The following MKLN1 variants were observed in gnomAD, a reference collection of about 807,000 sequenced individuals.
The protein encoded by MKLN1 is muskelin 1, also known as muskelin.
Under a neutral mutation model 99.0 loss-of-function variants are expected in MKLN1, and 18 were observed. That is an observed-to-expected ratio of 0.18 (90% CI 0.13 to 0.27). The LOEUF is 0.27. Among genes scored for constraint, MKLN1 ranks in the 10% least tolerant of loss-of-function variants. The probability of loss-of-function intolerance (pLI) is 1.00; values close to 1 mark genes in which losing one functional copy is unlikely to be tolerated. For missense variants in MKLN1, 621 were observed against 875.9 expected, an observed-to-expected ratio of 0.71 and a Z score of 3.67; for synonymous variants, 288 against 293.2, an observed-to-expected ratio of 0.98 and a Z score of 0.18.
intron 3 of MKLN1, among the ~76,000 whole-genome samples, chr7:131,322,225 A>G (rs1798792010): frequency 6.6e-6 from 1 of 152,178 alleles, no homozygotes; most frequent in Non-Finnish European, 1.5e-5. Context: ...TTAAGCATTT[A>G]AGGATTTTAT....
chr7:131,323,562 G>T (rs938825670), upstream of MKLN1: 2 of 152,082 alleles, frequency 1.3e-5, no homozygotes, highest in Admixed American at 1.3e-4. Flanking sequence ...GGTTAGATGG[G>T]TCTACTTTCC....
At chr7:131,192,436 AAATATATAC>A (rs1210593660) in intron 2 of MKLN1, among the ~76,000 whole-genome samples, 2 of 134,364 alleles carry the variant, frequency 1.5e-5, no homozygotes, top group Non-Finnish European at 3.1e-5. Flanking sequence ...TAAATATATA[AAATATATAC>A]AATATATAAA....
At chr7:131,291,780 G>GA (rs1563281350) in intron 3 of MKLN1, among the ~76,000 whole-genome samples, 14 of 119,298 alleles carry the variant, frequency 1.2e-4, no homozygotes, top group African/African-American at 4.1e-4. Flanking sequence ...AAAAAAAAAA[G>GA]AAAAAAAAGA....
intron 15 of MKLN1, among the ~76,000 whole-genome samples, chr7:131,469,929 GC>G (rs1316648643): frequency 5.3e-5 from 8 of 150,134 alleles, no homozygotes; most frequent in African/African-American, 2.0e-4. Flanking sequence ...AGGCTGGAGT[GC>G]AGTGGTACAA....
chr7:131,175,263 G>GATAGATAATAGATAGATAT (rs1194501998), intron 2 of MKLN1, among the ~76,000 whole-genome samples: 1 of 152,166 alleles, frequency 6.6e-6, no homozygotes. Flanking sequence ...TAGATAGATA[G>GATAGATAATAGATAGATAT]ATAGAGTAGG....
chr7:131,308,264 T>G (rs1209968898), intron 3 of MKLN1, among the ~76,000 whole-genome samples: 2 of 149,050 alleles, frequency 1.3e-5, no homozygotes, highest in African/African-American at 2.4e-5. Flanking sequence ...TCACGTAGTT[T>G]TTTTTTTTTT....
intron 12 of MKLN1, among the ~76,000 whole-genome samples, chr7:131,461,439 G>A (rs1259538384): frequency 1.3e-5 from 2 of 151,868 alleles, no homozygotes; most frequent in Non-Finnish European, 2.9e-5. Context: ...GTGTATGTAT[G>A]TATACAAATT....
At chr7:131,468,099 G>C (rs1027179687) in intron 15 of MKLN1, among the ~76,000 whole-genome samples, 1 of 152,208 alleles carries the variant, frequency 6.6e-6, no homozygotes, top group Non-Finnish European at 1.5e-5. Flanking sequence ...CACTCCACAA[G>C]AGATCAAGAA....
In MKLN1 at chr7:131,441,217, A is replaced by G. The variant is rs145051320; in HGVS notation, c.1174-2264A>G. 3.3e-3 allele frequency among the ~76,000 whole-genome samples: 506 copies of G among 152,312 alleles called. 3 individuals carry two copies. Among genetic ancestry groups the G allele is most frequent in the African/African-American group, 0.01 (433 of 41,570 alleles). ...AGCTCATTGATATTCTCACTGGGTC[A>G]TGAGGCATTTTTGGAGGTTTGTAGA... On this transcript the variant is annotated intron_variant, in intron 10 of 17. Transcript: ENST00000352689.
At chr7:131,293,777 G>A (rs1469926980) in intron 3 of MKLN1, among the ~76,000 whole-genome samples, 1 of 152,178 alleles carries the variant, frequency 6.6e-6, no homozygotes, top group East Asian at 1.9e-4. Flanking sequence ...CTGCTCTCTA[G>A]CCTGGGCAAT....
chr7:131,354,522 G>C (rs1343915747), intron 1 of MKLN1, among the ~76,000 whole-genome samples: 5 of 142,504 alleles, frequency 3.5e-5, no homozygotes, highest in South Asian at 4.7e-4. Context: ...TGTGGGGGGG[G>C]GCGTAAATCT....
intron 2 of MKLN1, among the ~76,000 whole-genome samples, chr7:131,166,296 G>A (rs771273677): frequency 6.6e-6 from 1 of 152,098 alleles, no homozygotes; most frequent in Non-Finnish European, 1.5e-5. Flanking sequence ...GAGGTTTGCC[G>A]GGAAAGATGC....
In MKLN1 at chr7:131,436,057, T is replaced by C. The variant is rs1424537735; in HGVS notation, c.961-1728T>C. 2.0e-5 allele frequency among the ~76,000 whole-genome samples: 3 copies of C among 152,178 alleles called. No homozygotes were observed. In the South Asian group the frequency reaches 6.2e-4, roughly 32 times the overall value. ...TGTTACTCCGTCTTTGTTTTTGAGA[T>C]TATTTATGGAGGCAATCCTTTCTTA... On this transcript the variant is annotated intron_variant, in intron 9 of 17. Coordinates refer to ENST00000352689, the MANE Select transcript of MKLN1 (RefSeq NM_013255.5).
chr7:131,292,867 G>A (rs1225488432), intron 3 of MKLN1, among the ~76,000 whole-genome samples: 1 of 152,178 alleles, frequency 6.6e-6, no homozygotes, highest in Non-Finnish European at 1.5e-5. Context: ...CTCTCCAAAC[G>A]AGGGATTTGT....
rs1374111462 is a variant in MKLN1 at position 131,443,689 on chromosome 7, T to C, written c.1382T>C (p.Met461Thr). 6.2e-7 allele frequency: 1 copy of C among 1,608,864 alleles called. No homozygotes were observed. Among genetic ancestry groups the C allele is most frequent in the Non-Finnish European group, 8.5e-7 (1 of 1,175,212 alleles). The change falls in exon 11 of 18, where the codon ATG (methionine) becomes ACG (threonine). Residue 461 changes from methionine to threonine, a missense_variant. By Grantham distance (81) the Met-to-Thr change is moderately conservative. Coordinates refer to ENST00000352689, the MANE Select transcript of MKLN1 (RefSeq NM_013255.5). ...EDIQSRIGHC[M>T]LFHSKNRCLY... ...ATCCAGTCTCGAATAGGACACTGCA[T>C]GTTATTCCACTCAGTAAGAACATTC...
chr7:131,327,949 C>T lies in MKLN1; in HGVS notation c.50C>T (p.Pro17Leu), dbSNP rs1196293275. Residue 17 changes from proline to leucine, a missense_variant, in exon 1 of 18, where the codon CCC (proline) becomes CTC (leucine). Pro to Leu is a moderately conservative substitution (Grantham distance 98, BLOSUM62 -3). Transcript: ENST00000352689. ...GCGGCGCCCGAGTGCCGGCTTCTCCCCTACGCGCTACACAAGTGGAGCTCC... is the reference window on the plus strand; with the variant it reads ...GCGGCGCCCGAGTGCCGGCTTCTCCTCTACGCGCTACACAAGTGGAGCTCC... ...VAAAPECRLL[P>L]YALHKWSSFS... 1.2e-6 allele frequency: 2 copies of T among 1,613,732 alleles called. No homozygotes were observed. Among genetic ancestry groups the T allele is most frequent in the Non-Finnish European group, 1.7e-6 (2 of 1,179,830 alleles).
intron 3 of MKLN1, among the ~76,000 whole-genome samples, chr7:131,262,121 C>A (rs1797741124): frequency 6.6e-6 from 1 of 151,994 alleles, no homozygotes; most frequent in Non-Finnish European, 1.5e-5. Context: ...AATCCTGGAA[C>A]CTAAAAAAAG....
intron 2 of MKLN1, among the ~76,000 whole-genome samples, chr7:131,191,690 T>A (rs906657961): frequency 2.6e-5 from 4 of 151,720 alleles, no homozygotes; most frequent in Non-Finnish European, 5.9e-5. Context: ...CTGTAATGTA[T>A]CTGCTGTATA....
chr7:131,487,018 T>C lies in MKLN1; in HGVS notation c.2087-589T>C, dbSNP rs1303875197. On this transcript the variant is annotated intron_variant, in intron 17 of 17. Coordinates refer to ENST00000352689, the MANE Select transcript of MKLN1 (RefSeq NM_013255.5). This position sits in a 1 kb window ranked among gnomAD's most constrained non-coding sequence, Gnocchi z 4.7. ...ATAAAGGTATAGTGTTATGTGCAGA[T>C]ACCATTCTGCATATTGTACATGTAT... Among the ~76,000 whole-genome samples, 1 of 152,176 alleles carries C rather than the reference T, an allele frequency of 6.6e-6. No homozygotes were observed. Among genetic ancestry groups the C allele is most frequent in the Non-Finnish European group, 1.5e-5 (1 of 68,018 alleles).
Sources: allele counts gnomAD v4.1 joint callset (sites outside exome capture counted in the v4.1 genomes callset), GRCh38; gene constraint gnomAD v4.1.1; non-coding constraint Gnocchi (gnomAD v3.1); transcripts MANE v1.5; gene names NCBI Gene and HGNC (gene_info 2026-07-23, HGNC 2026-07-21).